The following MBTD1 variants were observed in gnomAD, a reference collection of about 807,000 sequenced individuals.
MBTD1 encodes mbt domain containing 1.
MBTD1 carries 24 observed loss-of-function variants against 87.8 expected under a neutral mutation model. That is an observed-to-expected ratio of 0.27 (90% CI 0.20 to 0.38). The LOEUF is 0.38. MBTD1 is among the 10% of genes least tolerant of loss of function. The pLI is 1.00. For missense variants in MBTD1, 436 were observed against 760.2 expected (o/e 0.57, Z 5.02); for synonymous variants, 237 against 248.6 (o/e 0.95, Z 0.44).
chr17:51,260,498 G>C (rs1053617069), upstream of MBTD1: 1 of 1,425,190 alleles, frequency 7.0e-7, no homozygotes, highest in South Asian at 1.4e-5. Context: ...GGCCCCCGGG[G>C]CTTCGGCGGC....
chr17:51,254,469 T>C (rs1404811540), intron 2 of MBTD1, among the ~76,000 whole-genome samples: 1 of 152,190 alleles, frequency 6.6e-6, no homozygotes, highest in Non-Finnish European at 1.5e-5. Context: ...ATATTCTGAA[T>C]AACCCATCTA....
intron 7 of MBTD1, among the ~76,000 whole-genome samples, chr17:51,204,651 C>T (rs1427532986): frequency 3.3e-5 from 5 of 151,844 alleles, no homozygotes; most frequent in Non-Finnish European, 7.4e-5. Context: ...TACAGGCGTG[C>T]GCCACCATGC....
At chr17:51,253,636 G>C (rs1184224939) in intron 2 of MBTD1, among the ~76,000 whole-genome samples, 1 of 152,030 alleles carries the variant, frequency 6.6e-6, no homozygotes, top group Non-Finnish European at 1.5e-5. Flanking sequence ...GGGTAGAAGT[G>C]GCATGGGAAG....
At chr17:51,225,736 CTTTTT>C (rs1321757546) in intron 2 of MBTD1, among the ~76,000 whole-genome samples, 2 of 151,338 alleles carry the variant, frequency 1.3e-5, no homozygotes, top group Non-Finnish European at 2.9e-5. Context: ...TTTCTTTTTT[CTTTTT>C]AATTATGGGA....
At chr17:51,216,490 A>G (rs1171587862) in intron 6 of MBTD1, among the ~76,000 whole-genome samples, 4 of 152,220 alleles carry the variant, frequency 2.6e-5, no homozygotes, top group Non-Finnish European at 5.9e-5. Flanking sequence ...CCACTTGCTG[A>G]AAAGAAAACC....
chr17:51,198,368 T>C (rs1350465252), intron 12 of MBTD1, among the ~76,000 whole-genome samples: 1 of 152,354 alleles, frequency 6.6e-6, no homozygotes, highest in Non-Finnish European at 1.5e-5. Context: ...GTTTAAAGCC[T>C]GTAATAATGG....
intron 5 of MBTD1, among the ~76,000 whole-genome samples, chr17:51,217,943 T>G (rs912586718): frequency 6.6e-6 from 1 of 152,136 alleles, no homozygotes; most frequent in African/African-American, 2.4e-5. Flanking sequence ...CCTGAGGAAG[T>G]GAGGTACAAG....
intron 15 of MBTD1, chr17:51,192,497 A>G: frequency 1.6e-6 from 1 of 632,872 alleles, no homozygotes; most frequent in Non-Finnish European, 2.7e-6. Context: ...CTACCAATAA[A>G]CTTTTAGTAT....
Position 51,180,697 on chromosome 17 carries a change from G to A in MBTD1, c.1769-3C>T. 16 of 1,471,628 alleles carry A rather than the reference G, an allele frequency of 1.1e-5. No individual in the cohort carries two copies. The highest frequency in any genetic ancestry group is 1.0e-5 in the Non-Finnish European group (11 of 1,074,278). 91.2% of individuals were successfully genotyped at this position (1,471,628 alleles called of 1,614,324 possible). On this transcript the variant is annotated splice_polypyrimidine_tract_variant and splice_region_variant and intron_variant, in intron 16 of 16. Coordinates refer to ENST00000586178, the MANE Select transcript of MBTD1 (RefSeq NM_017643.3). ...CTCCTTCAGCTGCAGTGTTGTCACTGAATGAAAGAGAGAGAAACATATGGG... is the reference window on the plus strand; with the variant it reads ...CTCCTTCAGCTGCAGTGTTGTCACTAAATGAAAGAGAGAGAAACATATGGG...
intron 6 of MBTD1, chr17:51,209,467 G>T: frequency 2.1e-6 from 1 of 471,132 alleles, no homozygotes. Context: ...TGCAGGACAT[G>T]GCCAAATCCA....
chr17:51,225,353 T>A, intron 2 of MBTD1, 144 bp from the exon 3 acceptor site: 1 of 421,680 alleles, frequency 2.4e-6, no homozygotes, highest in South Asian at 5.2e-5. Flanking sequence ...TTTTTTTTTC[T>A]TTTTTTAAAA....
At chr17:51,192,627 G>C in intron 15 of MBTD1, 155 bp downstream of exon 15, 1 of 1,335,264 alleles carries the variant, frequency 7.5e-7, no homozygotes, top group Non-Finnish European at 1.0e-6. Context: ...GTCTGATTCT[G>C]TGATATTGTT....
chr17:51,181,050 T>C (rs145676331), intron 16 of MBTD1, among the ~76,000 whole-genome samples: 103 of 145,358 alleles, frequency 7.1e-4, no homozygotes, highest in African/African-American at 2.6e-3. Context: ...TGAGATGGAG[T>C]CTCACTCTGT....
chr17:51,259,442 G>A (rs926494992), intron 1 of MBTD1, among the ~76,000 whole-genome samples: 3 of 152,152 alleles, frequency 2.0e-5, no homozygotes, highest in Middle Eastern at 3.4e-3. Flanking sequence ...ACGAAACTGT[G>A]CTCCCCCTCC....
At chr17:51,181,551 C>T (rs2050314596) in intron 16 of MBTD1, among the ~76,000 whole-genome samples, 1 of 152,134 alleles carries the variant, frequency 6.6e-6, no homozygotes, top group Non-Finnish European at 1.5e-5. Flanking sequence ...CCCAGCTACT[C>T]ATGACTGAGG....
rs146103068 is a variant in MBTD1 at position 51,192,994 on chromosome 17, C to T, written c.1478G>A (p.Arg493His). The T allele has an allele frequency of 5.3e-4, 852 of 1,613,268 alleles. No homozygotes were observed. Among genetic ancestry groups the T allele is most frequent in the Non-Finnish European group, 6.5e-4 (771 of 1,179,468 alleles). Residue 493 changes from arginine (R) to histidine (H), a missense_variant, in exon 15 of 17, where the codon CGT (arginine) becomes CAT (histidine). Around this residue, in one of 5 missense-constraint regions of MBTD1, gnomAD observed 80 missense variants for 182.2 expected, o/e 0.44. Transcript: ENST00000586178. ...TACTGCTTCTAATTTCATTCCTACA[C>T]GAAATCCGTGATTTGGAACATCCTG... ...FNKDVPNHGF[R>H]VGMKLEAVDL...
chr17:51,260,910 G>A, upstream of MBTD1: 1 of 1,588,858 alleles, frequency 6.3e-7, no homozygotes, highest in Middle Eastern at 1.9e-4. Flanking sequence ...TTGCTGCGGC[G>A]TCTGCGAGGC....
At position 51,179,133 on chromosome 17, in the gene MBTD1, G is replaced by T. The variant is rs1040482458; in HGVS notation, c.*1443C>A. The T allele has an allele frequency of 6.6e-6, 1 of 151,932 alleles. No homozygotes were observed. Among genetic ancestry groups the T allele is most frequent in the Non-Finnish European group, 1.5e-5 (1 of 67,994 alleles). The allele number at this position is 151,932 out of a possible 1,614,324, so 9.4% of individuals were successfully genotyped here. A position where few individuals can be genotyped will look rare whatever the true frequency, so the allele number is the denominator to read the frequency against. ...TTCCATAGGCTGAAGGACTGTAGAG[G>T]TTAATCATTTTGATTAATTTCTAAT... is the stretch of plus-strand genomic sequence containing the variant. On this transcript the variant is annotated 3_prime_UTR_variant, in exon 17 of 17. Coordinates refer to ENST00000586178, the MANE Select transcript of MBTD1 (RefSeq NM_017643.3).
intron 7 of MBTD1, among the ~76,000 whole-genome samples, chr17:51,205,237 T>C (rs1313554970): frequency 6.6e-6 from 1 of 152,228 alleles, no homozygotes; most frequent in African/African-American, 2.4e-5. Flanking sequence ...CTCAGAACAA[T>C]TTATGAGTTT....
Sources: gnomAD v4.1 joint callset for allele counts (sites outside exome capture counted in the v4.1 genomes callset) on GRCh38, gnomAD v4.1.1 for gene constraint, gnomAD v4.1.1 regional missense constraint, MANE v1.5 for transcripts, NCBI Gene and HGNC (gene_info 2026-07-23, HGNC 2026-07-21) for gene names.